Variants in WDR20 observed in about 807,000 individuals in gnomAD.
The protein encoded by WDR20 is WD repeat-containing protein 20.
WDR20 carries 3 observed loss-of-function variants against 38.7 expected under a neutral mutation model. The ratio of observed to expected loss-of-function variants is 0.08; its 90% confidence interval spans 0.04 to 0.20. The LOEUF is 0.20. Among genes scored for constraint, WDR20 ranks in the 10% least tolerant of loss-of-function variants. The pLI, the probability that WDR20 is intolerant of heterozygous loss-of-function variation, is 1.00. For synonymous variants in WDR20, 298 were observed against 285.6 expected (o/e 1.04, Z -0.44); for missense variants, 559 against 727.7 (o/e 0.77, Z 2.67).
chr14:102,214,878 T>C, downstream of WDR20: 2 of 985,004 alleles, frequency 2.0e-6, no homozygotes, highest in Non-Finnish European at 1.2e-6. Flanking sequence ...TGCTTTGTTT[T>C]TTTTTTTAGC....
downstream of WDR20, chr14:102,224,361 T>G (rs1291503502): frequency 1.4e-5 from 5 of 345,934 alleles, no homozygotes; most frequent in Admixed American, 2.0e-4. Flanking sequence ...TTTTCTTACT[T>G]GGTTGAAACC....
intron 1 of WDR20, among the ~76,000 whole-genome samples, chr14:102,155,208 C>G (rs376705064): frequency 6.6e-6 from 1 of 152,114 alleles, no homozygotes; most frequent in Non-Finnish European, 1.5e-5. Context: ...GCCTACTTCA[C>G]TGTTTTTTTA....
In WDR20 at chr14:102,222,535, T is replaced by C. The variant is rs546683192; in HGVS notation, c.1693-295T>C. The stretch of plus-strand genomic sequence containing the variant: ...GTCAGCAAAGCTCCAAAGAACCTGT[T>C]CTCAGGTGCTGAGAAACCACTGTCT... On this transcript the variant is annotated intron_variant, in intron 3 of 3. Transcript: ENST00000335263. The surrounding 1 kb of genome is among the most constrained non-coding windows in gnomAD (Gnocchi z 4.4). 6.6e-6 allele frequency among the ~76,000 whole-genome samples: 1 copy of C among 152,242 alleles called. No homozygotes were observed. Among genetic ancestry groups the C allele is most frequent in the African/African-American group, 2.4e-5 (1 of 41,548 alleles).
chr14:102,168,478 A>G (rs1296947153), intron 1 of WDR20, among the ~76,000 whole-genome samples: 1 of 152,020 alleles, frequency 6.6e-6, no homozygotes, highest in Non-Finnish European at 1.5e-5. Flanking sequence ...AGTACCGAGT[A>G]TTATGCCTGG....
At chr14:102,140,332 A>T in intron 1 of WDR20, 160 bp downstream of exon 1, 1 of 1,176,676 alleles carries the variant, frequency 8.5e-7, no homozygotes, top group South Asian at 1.5e-5. Context: ...GAGGGGATTC[A>T]GGAGTAAGGA....
intron 2 of WDR20, among the ~76,000 whole-genome samples, chr14:102,200,461 TTTTTTTTGTGTGTG>T (rs1296148077): frequency 6.0e-5 from 6 of 100,678 alleles, no homozygotes; most frequent in Non-Finnish European, 1.2e-4. Flanking sequence ...TTTTAAATTT[TTTTTTTTGTGTGTG>T]TGTGTGTGTG....
chr14:102,140,651 A>T (rs1395099200), intron 1 of WDR20, among the ~76,000 whole-genome samples: 1 of 152,104 alleles, frequency 6.6e-6, no homozygotes, highest in East Asian at 1.9e-4. Context: ...GAGCATTGAG[A>T]CTAGGTCAGA....
intron 1 of WDR20, among the ~76,000 whole-genome samples, chr14:102,142,128 T>A (rs554755166): frequency 6.6e-6 from 1 of 152,320 alleles, no homozygotes; most frequent in East Asian, 1.9e-4. Context: ...ACAAGATAAA[T>A]GTGAAATACG....
chr14:102,205,112 A>C (rs564949432), intron 2 of WDR20, among the ~76,000 whole-genome samples: 4 of 152,168 alleles, frequency 2.6e-5, no homozygotes, highest in African/African-American at 9.7e-5. Flanking sequence ...ATTTTTAATC[A>C]GCTGGGTGTG....
rs1233052814 is a variant in WDR20 at position 102,220,733 on chromosome 14, AAAAAG to A, written c.1693-2092_1693-2088del. Reference sequence around the variant, plus strand: ...AGACTCCGTCTCAAAAAAAAAAAAAAAAAAGAAAATATTAAAATTAATGTCACTTG... The same window carrying A: ...AGACTCCGTCTCAAAAAAAAAAAAAAAAAATATTAAAATTAATGTCACTTG... On this transcript the variant is annotated intron_variant, in intron 3 of 3. Coordinates refer to the WDR20 transcript ENST00000335263. This position sits in a 1 kb window ranked among gnomAD's most constrained non-coding sequence, Gnocchi z 4.2. Among the ~76,000 whole-genome samples the A allele has an allele frequency of 9.9e-5, 15 of 152,078 alleles. No individual in the cohort carries two copies. The highest frequency in any genetic ancestry group is 2.9e-4 in the African/African-American group (12 of 41,428).
chr14:102,155,232 A>AATTAT (rs2057090890), intron 1 of WDR20, among the ~76,000 whole-genome samples: 1 of 152,166 alleles, frequency 6.6e-6, no homozygotes, highest in Non-Finnish European at 1.5e-5. Flanking sequence ...TTAGTGAGAT[A>AATTAT]ATTATATAAA....
downstream of WDR20, among the ~76,000 whole-genome samples, chr14:102,212,005 A>T (rs1307013371): frequency 6.6e-6 from 1 of 152,132 alleles, no homozygotes; most frequent in Non-Finnish European, 1.5e-5. Context: ...CCCTTCTTTA[A>T]AATTCTCAGT....
chr14:102,173,431 A>G (rs57033871), intron 1 of WDR20, among the ~76,000 whole-genome samples: 4 of 129,474 alleles, frequency 3.1e-5, no homozygotes, highest in Admixed American at 8.1e-5. Flanking sequence ...TTCTTTTTTT[A>G]AAATTATTAT....
intron 2 of WDR20, among the ~76,000 whole-genome samples, chr14:102,199,407 G>A (rs553092175): frequency 2.6e-5 from 4 of 151,934 alleles, no homozygotes; most frequent in Non-Finnish European, 4.4e-5. Flanking sequence ...GGTGTTGGAC[G>A]GAAAGGGTTC....
rs768943158 is a variant in WDR20 at position 102,208,994 on chromosome 14, A to G, written c.824A>G (p.Lys275Arg). 12 of 1,614,054 alleles carry G rather than the reference A, an allele frequency of 7.4e-6. No individual in the cohort carries two copies. Among genetic ancestry groups the G allele is most frequent in the African/African-American group, 1.3e-5 (1 of 74,910 alleles). Reference protein sequence around the residue: ...LLCVCWSPDGKYIVTGGEDDL... With the variant: ...LLCVCWSPDGRYIVTGGEDDL... ...TGTGTGTGCTGGAGCCCGGATGGCA[A>G]GTACATCGTGACAGGTGGGGAGGAC... Residue 275 changes from lysine to arginine, a missense_variant, in exon 3 of 3, where the codon AAG becomes AGG. Physicochemically the swap from Lys to Arg is conservative, Grantham distance 26. Coordinates refer to ENST00000342702, the MANE Select transcript of WDR20 (RefSeq NM_144574.4). This position sits in a 1 kb window ranked among gnomAD's most constrained non-coding sequence, Gnocchi z 5.6.
At chr14:102,211,822 T>A (rs1464815675), downstream of WDR20, among the ~76,000 whole-genome samples, 1 of 152,222 alleles carries the variant, frequency 6.6e-6, no homozygotes, top group Non-Finnish European at 1.5e-5. The surrounding 1 kb of genome is among the most constrained non-coding windows in gnomAD (Gnocchi z 4.2). Flanking sequence ...AGTTTCAAAA[T>A]TCAGGACTTA....
At chr14:102,224,741 A>G (rs2064171715), downstream of WDR20, 1 of 456,068 alleles carries the variant, frequency 2.2e-6, no homozygotes, top group Non-Finnish European at 4.4e-6. Context: ...GCCCCACTCG[A>G]AGGCGCCAGC....
At chr14:102,192,086 C>A (rs1257463982) in intron 1 of WDR20, among the ~76,000 whole-genome samples, 1 of 152,094 alleles carries the variant, frequency 6.6e-6, no homozygotes, top group African/African-American at 2.4e-5. Context: ...ATAAACTAGT[C>A]CTGGACTGGT....
intron 1 of WDR20, among the ~76,000 whole-genome samples, chr14:102,145,656 A>G (rs1403375152): frequency 6.6e-6 from 1 of 152,112 alleles, no homozygotes; most frequent in Non-Finnish European, 1.5e-5. Flanking sequence ...CTCTAGTCCC[A>G]CCTACTTGGA....
Sources: gnomAD v4.1 joint callset for allele counts (sites outside exome capture counted in the v4.1 genomes callset) on GRCh38, gnomAD v4.1.1 for gene constraint, Gnocchi (gnomAD v3.1) non-coding constraint, MANE v1.5 for transcripts, NCBI Gene and HGNC (gene_info 2026-07-23, HGNC 2026-07-21) for gene names.